Variants in SNRNP200 observed in about 807,000 individuals in gnomAD.
The protein encoded by SNRNP200 is small nuclear ribonucleoprotein U5 subunit 200.
A neutral mutation model predicts 255.2 loss-of-function variants in SNRNP200; 66 were observed. The ratio of observed to expected loss-of-function variants is 0.26; its 90% CI spans 0.21 to 0.32. The LOEUF (loss-of-function observed/expected upper bound fraction) is 0.32, where lower values mean the gene tolerates loss of function less well. Among genes scored for constraint, SNRNP200 ranks in the 10% least tolerant of loss-of-function variants. SNRNP200 has a pLI of 1.00. For synonymous variants in SNRNP200, 939 were observed against 1,027.8 expected (o/e 0.91, Z 1.65); for missense variants, 1,585 against 2,749.8 (o/e 0.58, Z 9.47).
rs779410756 is a variant in SNRNP200 at position 96,295,467 on chromosome 2, C to T, written c.1842+21G>A. ...CCCTGACACAACTGGACTCTATATTCTACGACTGCTCCCAACTCACCAGAA... is the reference window on the plus strand; with the variant it reads ...CCCTGACACAACTGGACTCTATATTTTACGACTGCTCCCAACTCACCAGAA... On this transcript the variant is annotated intron_variant, in intron 14 of 44. Coordinates refer to ENST00000323853, the MANE Select transcript of SNRNP200 (RefSeq NM_014014.5). The T allele has an allele frequency of 6.8e-6, 11 of 1,613,172 alleles. No individual in the cohort carries two copies. The Admixed American group carries it at 1.7e-4, about 24-fold the overall frequency.
At position 96,277,050 on chromosome 2, in the gene SNRNP200, C is replaced by T. The variant is rs1288399985; in HGVS notation, c.6092+31G>A. 1 of 1,613,866 alleles carries T rather than the reference C, an allele frequency of 6.2e-7. No homozygotes were observed. The highest frequency in any genetic ancestry group is 8.5e-7 in the Non-Finnish European group (1 of 1,179,836). On this transcript the variant is annotated intron_variant, in intron 42 of 44. Transcript: ENST00000323853. This position sits in a 1 kb window ranked among gnomAD's most constrained non-coding sequence, Gnocchi z 4.4. ...AGTGGGCTCAGAGCACACTATTATG[C>T]TGTGCCCAACAGGCACCACCTCTGG...
chr2:96,288,219 T>C (rs1410783933), intron 24 of SNRNP200, among the ~76,000 whole-genome samples: 4 of 152,222 alleles, frequency 2.6e-5, no homozygotes, highest in African/African-American at 9.6e-5. Context: ...CACTGCATGA[T>C]TTTAAAGCTT....
In SNRNP200 at chr2:96,283,920, A is replaced by G; in HGVS notation, c.4477T>C (p.Ser1493Pro). Residue 1493 changes from serine (S) to proline (P), a missense_variant, in exon 32 of 45, where the codon TCG (serine) becomes CCG (proline). Coordinates refer to ENST00000323853, the MANE Select transcript of SNRNP200 (RefSeq NM_014014.5). The surrounding 1 kb of genome is among the most constrained non-coding windows in gnomAD (Gnocchi z 4.7). ...GCCACATCCTTGGCATTGGAGAGCG[A>G]AGAGCTGAGTGCCACAATGCGAATG... ...RPIRIVALSS[S>P]LSNAKDVAHW... The G allele has an allele frequency of 6.3e-7, 1 of 1,599,234 alleles. No homozygotes were observed. Among genetic ancestry groups the G allele is most frequent in the Non-Finnish European group, 8.5e-7 (1 of 1,172,904 alleles).
Position 96,297,364 on chromosome 2 carries a change from T to A in SNRNP200, c.1376A>T (p.Glu459Val), listed in dbSNP as rs2063923414. 3.7e-6 allele frequency: 6 copies of A among 1,613,436 alleles called. No individual in the cohort carries two copies. The highest frequency in any genetic ancestry group is 2.2e-5 in the East Asian group (1 of 44,890). Residue 459 changes from glutamate (E) to valine (V), a missense_variant and splice_region_variant, in exon 11 of 45, where the codon GAA (glutamate) becomes GTA (valine). Physicochemically the swap from Glu to Val is moderately radical, Grantham distance 121 (BLOSUM62 -2). This residue lies in a region of SNRNP200 where 383 missense variants were observed against 645.3 expected (regional missense o/e 0.59). Transcript: ENST00000323853. ...ALKPKPFGSEEQLLPVEKLPK... is the reference protein window; with the variant it reads ...ALKPKPFGSEVQLLPVEKLPK... ...AACTGAAGAAAGCAATTCACTTACT[T>A]CTTCTGAGCCAAAGGGCTTGGGCTT...
chr2:96,284,057 G>A (rs2063825813), intron 31 of SNRNP200, 53 bp from the exon 32 acceptor site: 1 of 1,506,550 alleles, frequency 6.6e-7, no homozygotes, highest in South Asian at 1.2e-5. Flanking sequence ...CCCATCCTCT[G>A]CCTGGAGGTC....
rs367919215 is a variant in SNRNP200, at chr2:96,283,512, C to G, written c.4763+23G>C. The G allele has an allele frequency of 2.4e-5, 39 of 1,613,972 alleles. No homozygotes were observed. The highest frequency in any genetic ancestry group is 3.3e-5 in the Non-Finnish European group (39 of 1,180,026). On this transcript the variant is annotated intron_variant, in intron 33 of 44. Coordinates refer to ENST00000323853, the MANE Select transcript of SNRNP200 (RefSeq NM_014014.5). This position sits in a 1 kb window ranked among gnomAD's most constrained non-coding sequence, Gnocchi z 4.7. ...AGCCTCACTTAACCTAACCCCAACC[C>G]CCAGACGCCAGGCCCCACCTACCTC...
chr2:96,283,460 A>G lies in SNRNP200; in HGVS notation c.4763+75T>C. On this transcript the variant is annotated intron_variant, in intron 33 of 44. Transcript: ENST00000323853. The surrounding 1 kb of genome is among the most constrained non-coding windows in gnomAD (Gnocchi z 4.7). ...AGCAACATGGGCTAACCCCACCCTC[A>G]TAAAGAGGACACCCTTGGAGTAGGC... 1.2e-6 allele frequency: 2 copies of G among 1,612,560 alleles called. No individual in the cohort carries two copies. Among genetic ancestry groups the G allele is most frequent in the South Asian group, 1.1e-5 (1 of 90,996 alleles).
At chr2:96,282,363 A>G in intron 34 of SNRNP200, 1 of 219,640 alleles carries the variant, frequency 4.6e-6, no homozygotes, top group Middle Eastern at 4.6e-4. Context: ...TGAGGCTCCA[A>G]TAAACAGTAT....
chr2:96,296,457 A>C, intron 13 of SNRNP200, 79 bp downstream of exon 13: 1 of 1,419,290 alleles, frequency 7.0e-7, no homozygotes, highest in African/African-American at 1.4e-5. Flanking sequence ...TAATACAAGA[A>C]GCGGTGAGGT....
rs778521032 is a variant in SNRNP200, at chr2:96,286,946, C to T, written c.3639+60G>A. 26 of 1,613,532 alleles carry T rather than the reference C, an allele frequency of 1.6e-5. No individual in the cohort carries two copies. The highest frequency in any genetic ancestry group is 5.0e-5 in the Admixed American group (3 of 59,990). ...ACTGAGTGCCTCCAATCCATCTCCTCGGCCCAGCAACGTAGACTGAGCACC... is the reference window on the plus strand; with the variant it reads ...ACTGAGTGCCTCCAATCCATCTCCTTGGCCCAGCAACGTAGACTGAGCACC... On this transcript the variant is annotated intron_variant, in intron 27 of 44. Coordinates refer to ENST00000323853, the MANE Select transcript of SNRNP200 (RefSeq NM_014014.5). The surrounding 1 kb of genome is among the most constrained non-coding windows in gnomAD (Gnocchi z 4.8).
intron 5 of SNRNP200, 132 bp downstream of exon 5, chr2:96,300,866 C>T (rs2063948223): frequency 1.3e-6 from 1 of 754,780 alleles, no homozygotes; most frequent in Non-Finnish European, 2.3e-6. Flanking sequence ...CATATAATGC[C>T]CAAGTCTGAA....
At chr2:96,281,066 G>C (rs1358818537) in intron 35 of SNRNP200, 2 of 147,706 alleles carry the variant, frequency 1.4e-5, no homozygotes, top group Non-Finnish European at 3.0e-5. Flanking sequence ...GTTTTGTCAT[G>C]TTGGCCAGGC....
intron 43 of SNRNP200, among the ~76,000 whole-genome samples, chr2:96,275,729 G>A (rs62153034): frequency 0.27 from 40,547 of 152,188 alleles, 6,634 homozygotes; most frequent in South Asian, 0.67. Flanking sequence ...TAGGCTGGGC[G>A]CGGTGGCTCA....
chr2:96,285,566 A>G (rs1193338163), intron 29 of SNRNP200, among the ~76,000 whole-genome samples: 1 of 152,234 alleles, frequency 6.6e-6, no homozygotes, highest in African/African-American at 2.4e-5. Context: ...GCCAAGATCA[A>G]GAGCCCAGGT....
Position 96,296,585 on chromosome 2 carries a change from A to G in SNRNP200, c.1622T>C (p.Ile541Thr), listed in dbSNP as rs970513869. The G allele has an allele frequency of 6.2e-7, 1 of 1,614,026 alleles. No individual in the cohort carries two copies. Among genetic ancestry groups the G allele is most frequent in the African/African-American group, 1.3e-5 (1 of 74,906 alleles). Residue 541 changes from isoleucine to threonine, a missense_variant, in exon 13 of 45, where the codon ATT becomes ACT. By Grantham distance (89) the Ile-to-Thr change is moderately conservative (BLOSUM62 -1). Around this residue, in one of 9 missense-constraint regions of SNRNP200, gnomAD observed 383 missense variants for 645.3 expected, o/e 0.59. Coordinates refer to ENST00000323853, the MANE Select transcript of SNRNP200 (RefSeq NM_014014.5). ...INVDDFKIIY[I>T]APMRSLVQEM... Reference sequence around the variant, plus strand: ...CTGCACCAAGGAGCGCATGGGGGCAATGTAGATAATCTTGAAGTCATCCAC... The same window carrying G: ...CTGCACCAAGGAGCGCATGGGGGCAGTGTAGATAATCTTGAAGTCATCCAC...
At chr2:96,284,666 C>T in intron 30 of SNRNP200, 81 bp from the exon 31 acceptor site, 2 of 953,148 alleles carry the variant, frequency 2.1e-6, no homozygotes, top group Non-Finnish European at 3.4e-6. Flanking sequence ...CCTGAGATGC[C>T]AAACAGACCT....
rs528019945 is a variant in SNRNP200, at chr2:96,276,379, T to C, written c.6174+525A>G. The C allele has an allele frequency of 1.3e-4, 24 of 182,192 alleles. No individual in the cohort carries two copies. The South Asian group carries it at 2.4e-3, about 18-fold the overall frequency. 11.3% of individuals were successfully genotyped at this position (182,192 alleles called of 1,614,324 possible). A position where few individuals can be genotyped will look rare whatever the true frequency, so the allele number is the denominator to read the frequency against. ...CTTAAAGAGTCAGAGAGATGGACAA[T>C]ACTACACAACTGACGGGTTTAACAA... On this transcript the variant is annotated intron_variant, in intron 43 of 44. Coordinates refer to ENST00000323853, the MANE Select transcript of SNRNP200 (RefSeq NM_014014.5).
intron 43 of SNRNP200, among the ~76,000 whole-genome samples, chr2:96,275,935 G>T (rs1023481907): frequency 2.0e-5 from 3 of 152,244 alleles, no homozygotes; most frequent in African/African-American, 7.2e-5. Flanking sequence ...GATTCCGGGA[G>T]GCGGAGCTTG....
chr2:96,286,663 G>A lies in SNRNP200; in HGVS notation c.3829+25C>T. 6.2e-7 allele frequency: 1 copy of A among 1,611,624 alleles called. No homozygotes were observed. Among genetic ancestry groups the A allele is most frequent in the Non-Finnish European group, 8.5e-7 (1 of 1,179,064 alleles). ...ACTGTCCTTGGAGGGACTGTTCCTG[G>A]GGACTCTGGAGAGGAGACACTCACA... On this transcript the variant is annotated intron_variant, in intron 28 of 44. Transcript: ENST00000323853. The surrounding 1 kb of genome is among the most constrained non-coding windows in gnomAD (Gnocchi z 4.8).
Sources: gnomAD v4.1 joint callset for allele counts (sites outside exome capture counted in the v4.1 genomes callset) on GRCh38, gnomAD v4.1.1 for gene constraint, gnomAD v4.1.1 regional missense constraint, Gnocchi (gnomAD v3.1) non-coding constraint, MANE v1.5 for transcripts, NCBI Gene and HGNC (gene_info 2026-07-23, HGNC 2026-07-21) for gene names.